The following SCHIP1 variants were observed in gnomAD, a reference collection of about 807,000 sequenced individuals.
SCHIP1 encodes the protein schwannomin interacting protein 1.
In SCHIP1, 8 loss-of-function variants were observed where a neutral mutation model predicts 29.7. The observed-to-expected ratio is 0.27, with a 90% CI of 0.16 to 0.49. The LOEUF (loss-of-function observed/expected upper bound fraction) is 0.49, where lower values mean the gene tolerates loss of function less well. Among genes scored for constraint, SCHIP1 ranks in the 20% least tolerant of loss-of-function variants. The pLI is 0.99. For synonymous variants in SCHIP1, 76 were observed against 94.9 expected, an observed-to-expected ratio of 0.80 and a Z score of 1.16; for missense variants, 193 against 294.6, an observed-to-expected ratio of 0.66 and a Z score of 2.52.
the SCHIP1 span, among the ~76,000 whole-genome samples, chr3:159,333,397 A>T: frequency 1.3e-5 from 2 of 152,306 alleles, no homozygotes; most frequent in South Asian, 2.1e-4. Flanking sequence ...AATGTTTGCT[A>T]TGATTATTAT....
intron 2 of SCHIP1, among the ~76,000 whole-genome samples, chr3:159,880,593 A>C (rs1342301804): frequency 1.3e-5 from 2 of 152,232 alleles, no homozygotes; most frequent in African/African-American, 2.4e-5. Context: ...TGAGTGAAGT[A>C]GTGCAGATAA....
chr3:159,505,996 G>T, the SCHIP1 span, among the ~76,000 whole-genome samples: 2 of 152,174 alleles, frequency 1.3e-5, no homozygotes, highest in African/African-American at 4.8e-5. Flanking sequence ...GTAATGGGAT[G>T]GCTGGGTCAA....
the SCHIP1 span, among the ~76,000 whole-genome samples, chr3:159,388,232 T>C: frequency 6.6e-6 from 1 of 152,090 alleles, no homozygotes; most frequent in African/African-American, 2.4e-5. Context: ...ACTTGTAAAA[T>C]TAGAAAATCA....
the SCHIP1 span, among the ~76,000 whole-genome samples, chr3:159,276,973 C>A: frequency 6.6e-6 from 1 of 151,896 alleles, no homozygotes; most frequent in Non-Finnish European, 1.5e-5. Flanking sequence ...TTCACACCAT[C>A]TCATCTACAC....
the SCHIP1 span, among the ~76,000 whole-genome samples, chr3:159,379,646 C>T: frequency 8.0e-6 from 1 of 124,684 alleles, no homozygotes; most frequent in East Asian, 2.4e-4. Context: ...CCTACAAGTT[C>T]CATAGACTTT....
At chr3:159,897,020 T>C (rs953298328) in exon 7 of SCHIP1, 5 of 337,224 alleles carry the variant, frequency 1.5e-5, no homozygotes, top group African/African-American at 1.1e-4. Context: ...CCACCACAAA[T>C]CATGGTTAAT....
chr3:159,367,164 G>A, the SCHIP1 span, among the ~76,000 whole-genome samples: 9 of 152,194 alleles, frequency 5.9e-5, no homozygotes, highest in South Asian at 2.1e-4. Context: ...AGGCCAAGGC[G>A]GGCGGATCAC....
chr3:159,396,611 T>A, the SCHIP1 span, among the ~76,000 whole-genome samples: 1 of 152,002 alleles, frequency 6.6e-6, no homozygotes, highest in South Asian at 2.1e-4. Flanking sequence ...AAATTCTGGG[T>A]TGAAAATTCT....
chr3:159,608,120 C>G, the SCHIP1 span, among the ~76,000 whole-genome samples: 1 of 152,160 alleles, frequency 6.6e-6, no homozygotes, highest in Non-Finnish European at 1.5e-5. Context: ...CTCAGCAAGA[C>G]AATGTGATCG....
chr3:159,807,254 T>C, the SCHIP1 span, among the ~76,000 whole-genome samples: 2 of 152,206 alleles, frequency 1.3e-5, no homozygotes, highest in African/African-American at 4.8e-5. Context: ...AACAGTCCCC[T>C]GTTTTAACCT....
chr3:159,736,387 T>G, the SCHIP1 span, among the ~76,000 whole-genome samples: 1 of 152,238 alleles, frequency 6.6e-6, no homozygotes, highest in Non-Finnish European at 1.5e-5. Context: ...TCTGGTACAC[T>G]GGCAGAAGGA....
At chr3:159,489,623 A>G in the SCHIP1 span, among the ~76,000 whole-genome samples, 5 of 152,170 alleles carry the variant, frequency 3.3e-5, no homozygotes, top group Admixed American at 2.6e-4. Context: ...ATTACAATGA[A>G]TGTTCAATAC....
At chr3:159,349,675 T>C in the SCHIP1 span, among the ~76,000 whole-genome samples, 1 of 152,198 alleles carries the variant, frequency 6.6e-6, no homozygotes, top group African/African-American at 2.4e-5. Flanking sequence ...ACAGTTCTTA[T>C]GTGTGACATG....
the SCHIP1 span, among the ~76,000 whole-genome samples, chr3:159,493,574 C>T: frequency 6.6e-6 from 1 of 151,272 alleles, no homozygotes; most frequent in Non-Finnish European, 1.5e-5. Context: ...TATATGCACC[C>T]AATACAGGAG....
At chr3:159,491,540 G>A in the SCHIP1 span, among the ~76,000 whole-genome samples, 3 of 152,218 alleles carry the variant, frequency 2.0e-5, no homozygotes, top group African/African-American at 7.2e-5. Context: ...ACTGCAAGGT[G>A]ACAGCGAGGC....
chr3:159,777,334 A>G, the SCHIP1 span, among the ~76,000 whole-genome samples: 1 of 152,214 alleles, frequency 6.6e-6, no homozygotes, highest in Non-Finnish European at 1.5e-5. Flanking sequence ...AGATTGTAGA[A>G]GTAAGAAATC....
chr3:159,650,874 T>C, the SCHIP1 span, among the ~76,000 whole-genome samples: 1 of 152,170 alleles, frequency 6.6e-6, no homozygotes, highest in Non-Finnish European at 1.5e-5. Context: ...CTTCCTTACA[T>C]AAACCAACCA....
the SCHIP1 span, among the ~76,000 whole-genome samples, chr3:159,716,557 T>C: frequency 6.6e-6 from 1 of 152,066 alleles, no homozygotes; most frequent in African/African-American, 2.4e-5. Flanking sequence ...TGAAGGAAGA[T>C]CTACCAAGCA....
At chr3:159,528,083 T>TA in the SCHIP1 span, among the ~76,000 whole-genome samples, 13 of 152,210 alleles carry the variant, frequency 8.5e-5, no homozygotes, top group African/African-American at 3.1e-4. Flanking sequence ...TTTATTACTT[T>TA]AAAAAATGTT....
Sources: allele counts gnomAD v4.1 joint callset (sites outside exome capture counted in the v4.1 genomes callset), GRCh38; gene constraint gnomAD v4.1.1; transcripts MANE v1.5; gene names NCBI Gene and HGNC (gene_info 2026-07-23, HGNC 2026-07-21).